The following PSG8 variants were observed in gnomAD, a reference collection of about 807,000 sequenced individuals.
PSG8 encodes the protein pregnancy specific beta-1-glycoprotein 8.
In PSG8, 57 loss-of-function variants were observed where a neutral mutation model predicts 42.5. The observed-to-expected ratio is 1.34, with a 90% CI of 1.08 to 1.67. The LOEUF is 1.67. Ranked by LOEUF, PSG8 falls within the 40% of genes most tolerant of loss-of-function variation. The pLI is 0.00. For missense variants in PSG8, 783 were observed against 518.6 expected (o/e 1.51, Z -4.95); for synonymous variants, 280 against 196.8 (o/e 1.42, Z -3.54).
chr19:42,752,806 T>C (rs1969814734), downstream of PSG8: 1 of 188,902 alleles, frequency 5.3e-6, no homozygotes. Flanking sequence ...AAGGGGACTC[T>C]ATTATAATTT....
intron 2 of PSG8, among the ~76,000 whole-genome samples, chr19:42,761,917 C>T (rs1163586127): frequency 7.8e-6 from 1 of 128,790 alleles, no homozygotes; most frequent in African/African-American, 3.0e-5. Flanking sequence ...CTATCCCTGT[C>T]CCATTGTCTT....
In PSG8 at chr19:42,764,150, T is replaced by C. The variant is rs570388501; in HGVS notation, c.196A>G (p.Ile66Val). 3 of 1,613,800 alleles carry C rather than the reference T, an allele frequency of 1.9e-6. No individual in the cohort carries two copies. Among genetic ancestry groups the C allele is most frequent in the Admixed American group, 1.7e-5 (1 of 59,990 alleles). Residue 66 changes from isoleucine (I) to valine (V), a missense_variant, in exon 2 of 5, where the codon ATC (isoleucine) becomes GTC (valine). Physicochemically the swap from Ile to Val is conservative, Grantham distance 29. Transcript: ENST00000306511. ...HNLPQNLTGY[I>V]WYKGQIRDLY... is the part of the protein sequence containing the mutation. The stretch of plus-strand genomic sequence containing the variant: ...TCCCTGATTTGCCCTTTGTACCAGA[T>C]GTAGCCAGTAAGATTCTGGGGCAAA...
intron 2 of PSG8, chr19:42,763,701 G>A (rs1600421306): frequency 1.1e-6 from 1 of 915,596 alleles, no homozygotes; most frequent in East Asian, 2.7e-5. Flanking sequence ...TCCTTCCTCT[G>A]CAGCGAGTGT....
intron 2 of PSG8, among the ~76,000 whole-genome samples, chr19:42,759,557 G>A (rs1340459072): frequency 1.3e-5 from 2 of 152,094 alleles, no homozygotes; most frequent in South Asian, 2.1e-4. Context: ...TGCACAATGC[G>A]CCAGTGAGCA....
At chr19:42,764,382 G>C in intron 1 of PSG8, 101 bp from the exon 2 acceptor site, 2 of 1,504,944 alleles carry the variant, frequency 1.3e-6, no homozygotes. Context: ...CCTCAGCCTT[G>C]AAGACACAGA....
downstream of PSG8, chr19:42,754,138 TTA>T: frequency 7.1e-7 from 1 of 1,400,262 alleles, no homozygotes; most frequent in Non-Finnish European, 9.7e-7. Context: ...GCTGGGAATT[TTA>T]TGAAGATATC....
At chr19:42,753,276 C>T (rs1241632548), downstream of PSG8, 2 of 779,650 alleles carry the variant, frequency 2.6e-6, no homozygotes, top group African/African-American at 1.7e-5. Flanking sequence ...TGTCCACCTC[C>T]AGCTTATAGG....
Position 42,764,130 on chromosome 19 carries a change from G to C in PSG8, c.216C>G (p.Ile72Met), listed in dbSNP as rs752363136. The C allele has an allele frequency of 1.1e-4, 181 of 1,613,852 alleles. 2 individuals are homozygous for C. The Middle Eastern group carries it at 1.3e-3, about 12-fold the overall frequency. ...ATGTAATGTAATGGTAGAGGTCCCTGATTTGCCCTTTGTACCAGATGTAGC... is the reference window on the plus strand; with the variant it reads ...ATGTAATGTAATGGTAGAGGTCCCTCATTTGCCCTTTGTACCAGATGTAGC... ...LTGYIWYKGQIRDLYHYITSY... is the reference protein window; with the variant it reads ...LTGYIWYKGQMRDLYHYITSY... Residue 72 changes from isoleucine (I) to methionine (M), a missense_variant, in exon 2 of 5, where the codon ATC (isoleucine) becomes ATG (methionine). Physicochemically the swap from Ile to Met is conservative, Grantham distance 10. Transcript: ENST00000306511.
chr19:42,759,955 C>A (rs537910346), intron 2 of PSG8, among the ~76,000 whole-genome samples: 1 of 152,212 alleles, frequency 6.6e-6, no homozygotes, highest in African/African-American at 2.4e-5. Context: ...AAGGACCGAA[C>A]TGGGTAGTGT....
At chr19:42,763,727 G>A in intron 2 of PSG8, 189 bp downstream of exon 2, 1 of 1,158,848 alleles carries the variant, frequency 8.6e-7, no homozygotes, top group Non-Finnish European at 1.3e-6. Flanking sequence ...GGGTCTGGAT[G>A]CGGGAAAGGA....
At chr19:42,764,576 C>A (rs529711674) in intron 1 of PSG8, among the ~76,000 whole-genome samples, 34 of 152,170 alleles carry the variant, frequency 2.2e-4, no homozygotes, top group African/African-American at 7.9e-4. Flanking sequence ...GTCCGCATGG[C>A]CCCCTCCACA....
downstream of PSG8, chr19:42,753,130 C>G (rs1347015857): frequency 3.0e-6 from 2 of 656,502 alleles, no homozygotes; most frequent in African/African-American, 1.8e-5. Flanking sequence ...GAAAAACTGT[C>G]CACAGTGTGA....
intron 2 of PSG8, chr19:42,759,079 G>T (rs1221952567): frequency 6.6e-6 from 1 of 152,086 alleles, no homozygotes; most frequent in Non-Finnish European, 1.5e-5. Flanking sequence ...AATACATGTG[G>T]ATGTTTGCAA....
Position 42,755,023 on chromosome 19 carries a change from C to T in PSG8, c.953G>A (p.Gly318Asp), listed in dbSNP as rs756828271. Reference sequence around the variant, plus strand: ...CAGGGTGACTGGGTAACTGCGGATGCCACCATATTGGTCCCTTATTTCACA... The same window carrying T: ...CAGGGTGACTGGGTAACTGCGGATGTCACCATATTGGTCCCTTATTTCACA... ...YQCEIRDQYG[G>D]IRSYPVTLNV... The change falls in exon 4 of 5, where the codon GGC becomes GAC. Residue 318 changes from glycine (G) to aspartate (D), a missense_variant. By Grantham distance (94) the Gly-to-Asp change is moderately conservative. Coordinates refer to ENST00000306511, the MANE Select transcript of PSG8 (RefSeq NM_182707.3). 20 of 1,613,186 alleles carry T rather than the reference C, an allele frequency of 1.2e-5. No homozygotes were observed. The highest frequency in any genetic ancestry group is 1.8e-4 in the Middle Eastern group (1 of 5,706).
At chr19:42,754,849 G>C in intron 4 of PSG8, 139 bp downstream of exon 4, 3 of 1,523,444 alleles carry the variant, frequency 2.0e-6, no homozygotes, top group Non-Finnish European at 2.6e-6. Flanking sequence ...GTTTTCCCAG[G>C]GCAGGGAGTC....
Position 42,765,213 on chromosome 19 carries a change from C to T in PSG8, c.64+305G>A, listed in dbSNP as rs536076841. ...TGTCTCCCAGGCTGGCGTGCGATGG[C>T]ACTATCTCAGCTAGCTGCAACTTCT... On this transcript the variant is annotated intron_variant, in intron 1 of 4. Transcript: ENST00000306511. Among the ~76,000 whole-genome samples the T allele has an allele frequency of 6.2e-4, 93 of 150,890 alleles. 1 individual carries two copies. Among genetic ancestry groups the T allele is most frequent in the African/African-American group, 2.3e-3 (93 of 40,864 alleles).
chr19:42,757,887 A>G lies in PSG8; in HGVS notation c.709+115T>C, dbSNP rs1202376441. 3 of 1,609,224 alleles carry G rather than the reference A, an allele frequency of 1.9e-6. No homozygotes were observed. In the Admixed American group the frequency reaches 5.0e-5, roughly 27 times the overall value. ...GGGCAGAAAGTCATGGCCAGGTTTG[A>G]TGTCCAGGGGTAAAGGTCTCTGTAC... is the stretch of plus-strand genomic sequence containing the variant. On this transcript the variant is annotated intron_variant, in intron 3 of 4. Transcript: ENST00000306511.
chr19:42,758,337 G>A (rs903453495), intron 2 of PSG8, 57 bp from the exon 3 acceptor site: 26 of 1,576,378 alleles, frequency 1.6e-5, no homozygotes, highest in Middle Eastern at 1.8e-4. Context: ...TCCTCCAAAG[G>A]CATTTTTCAA....
chr19:42,754,199 T>C (rs1969850182), downstream of PSG8: 4 of 1,561,490 alleles, frequency 2.6e-6, no homozygotes, highest in Non-Finnish European at 3.5e-6. Flanking sequence ...TTGGAGGGTT[T>C]AGGAGGAGAA....
Sources: allele counts gnomAD v4.1 joint callset (sites outside exome capture counted in the v4.1 genomes callset), GRCh38; gene constraint gnomAD v4.1.1; transcripts MANE v1.5; gene names NCBI Gene and HGNC (gene_info 2026-07-23, HGNC 2026-07-21).